Variants in DGKB observed in about 807,000 individuals in gnomAD.
The protein encoded by DGKB is diacylglycerol kinase beta.
In DGKB, 67 loss-of-function variants were observed where a neutral mutation model predicts 114.3. The observed-to-expected ratio is 0.59, with a 90% CI of 0.48 to 0.72. The LOEUF (loss-of-function observed/expected upper bound fraction) is 0.72, where lower values mean the gene tolerates loss of function less well. Among genes scored for constraint, DGKB ranks in the 30% least tolerant of loss-of-function variants. The pLI is 0.00. For synonymous variants in DGKB, 398 were observed against 323.1 expected (o/e 1.23, Z -2.49); for missense variants, 907 against 975.2 (o/e 0.93, Z 0.93).
intron 23 of DGKB, among the ~76,000 whole-genome samples, chr7:14,302,982 G>T (rs1399086366): frequency 6.6e-6 from 1 of 152,074 alleles, no homozygotes; most frequent in Non-Finnish European, 1.5e-5. Context: ...TTATACCATG[G>T]GTGGTAGGAG....
chr7:14,280,329 G>C (rs1176773986), intron 23 of DGKB, among the ~76,000 whole-genome samples: 1 of 151,932 alleles, frequency 6.6e-6, no homozygotes, highest in East Asian at 2.0e-4. Flanking sequence ...AAAAAGAAAC[G>C]AGCAAAGCCT....
intron 5 of DGKB, among the ~76,000 whole-genome samples, chr7:14,729,045 A>T (rs1208167698): frequency 6.7e-6 from 1 of 150,336 alleles, no homozygotes; most frequent in Non-Finnish European, 1.5e-5. Flanking sequence ...ACTTACTACC[A>T]TCTGATATGG....
intron 2 of DGKB, among the ~76,000 whole-genome samples, chr7:14,798,270 T>G (rs953563935): frequency 1.6e-4 from 25 of 152,196 alleles, no homozygotes; most frequent in African/African-American, 5.8e-4. Context: ...ACCAGGGACC[T>G]GTCCCTGTCT....
chr7:14,277,239 C>T (rs1490367214), intron 23 of DGKB, among the ~76,000 whole-genome samples: 1 of 151,954 alleles, frequency 6.6e-6, no homozygotes, highest in Non-Finnish European at 1.5e-5. Context: ...GATGTGATCT[C>T]GGCTCACTGC....
chr7:14,574,616 A>T (rs1383967908), intron 19 of DGKB, among the ~76,000 whole-genome samples: 3 of 152,164 alleles, frequency 2.0e-5, no homozygotes, highest in Non-Finnish European at 2.9e-5. Flanking sequence ...CAGCATATAC[A>T]ACTGCCAAGT....
chr7:14,298,955 C>G (rs1350808968), intron 23 of DGKB, among the ~76,000 whole-genome samples: 1 of 152,140 alleles, frequency 6.6e-6, no homozygotes, highest in South Asian at 2.1e-4. Flanking sequence ...CTCATCATCA[C>G]TGGTCATTAG....
chr7:14,500,615 A>T (rs1040101009), intron 20 of DGKB, among the ~76,000 whole-genome samples: 1 of 151,820 alleles, frequency 6.6e-6, no homozygotes, highest in Admixed American at 6.6e-5. Flanking sequence ...CATAAAAAAT[A>T]AAAAGTAAAT....
chr7:14,837,013 T>C (rs1012241353), intron 2 of DGKB, among the ~76,000 whole-genome samples: 3 of 152,230 alleles, frequency 2.0e-5, no homozygotes, highest in African/African-American at 7.2e-5. Flanking sequence ...GTCATATCAC[T>C]AGCAATTTGC....
intron 20 of DGKB, among the ~76,000 whole-genome samples, chr7:14,569,863 TTG>T (rs1314734733): frequency 6.6e-6 from 1 of 151,780 alleles, no homozygotes; most frequent in East Asian, 1.9e-4. Context: ...TATTCTGATC[TTG>T]TGTGTCTTTG....
chr7:14,466,574 G>T (rs1160788149), intron 21 of DGKB, among the ~76,000 whole-genome samples: 1 of 150,748 alleles, frequency 6.6e-6, no homozygotes, highest in Non-Finnish European at 1.5e-5. Flanking sequence ...CACAAGGAGG[G>T]TTTCTTGTTT....
chr7:14,326,658 C>T (rs1251173758), intron 23 of DGKB, among the ~76,000 whole-genome samples: 3 of 152,092 alleles, frequency 2.0e-5, no homozygotes, highest in Non-Finnish European at 2.9e-5. Context: ...CTTTCCTTTG[C>T]GGGAATGGCA....
At chr7:14,538,627 T>C (rs1023533232) in intron 20 of DGKB, among the ~76,000 whole-genome samples, 7 of 152,212 alleles carry the variant, frequency 4.6e-5, no homozygotes, top group African/African-American at 1.7e-4. Flanking sequence ...GATCCCACTT[T>C]TGAATATGTA....
chr7:14,313,551 A>C (rs935046131), intron 23 of DGKB, among the ~76,000 whole-genome samples: 1 of 152,152 alleles, frequency 6.6e-6, no homozygotes, highest in Non-Finnish European at 1.5e-5. Flanking sequence ...GGTCACTCCC[A>C]CCCGAATACT....
chr7:14,869,341 C>A (rs1444308062), intron 1 of DGKB, among the ~76,000 whole-genome samples: 1 of 152,242 alleles, frequency 6.6e-6, no homozygotes, highest in East Asian at 1.9e-4. Flanking sequence ...GGATTATACA[C>A]TTAAGGTTTA....
intron 1 of DGKB, among the ~76,000 whole-genome samples, chr7:14,887,215 C>G (rs575176063): frequency 6.6e-6 from 1 of 151,896 alleles, no homozygotes; most frequent in East Asian, 1.9e-4. Flanking sequence ...TGAAATTCCC[C>G]TTTAAAAGGC....
At chr7:14,651,551 G>C (rs1814497804) in intron 13 of DGKB, among the ~76,000 whole-genome samples, 1 of 145,698 alleles carries the variant, frequency 6.9e-6, no homozygotes. Flanking sequence ...CATACTGAAT[G>C]GGCAAAAACT....
chr7:14,335,234 A>T (rs1033016584), intron 23 of DGKB, among the ~76,000 whole-genome samples: 1 of 152,188 alleles, frequency 6.6e-6, no homozygotes, highest in African/African-American at 2.4e-5. Flanking sequence ...TCCAAACCTG[A>T]TCTCATACCT....
At chr7:14,474,132 A>C (rs188167499) in intron 21 of DGKB, among the ~76,000 whole-genome samples, 1 of 152,338 alleles carries the variant, frequency 6.6e-6, no homozygotes, top group East Asian at 1.9e-4. Flanking sequence ...TTCCCACTCA[A>C]ATATCATCTT....
chr7:14,827,242 T>C (rs756128239), intron 2 of DGKB, among the ~76,000 whole-genome samples: 3 of 152,128 alleles, frequency 2.0e-5, no homozygotes, highest in African/African-American at 4.8e-5. Flanking sequence ...CTTTAAAACA[T>C]TGTGTGAACT....
Sources: gnomAD v4.1 joint callset for allele counts (sites outside exome capture counted in the v4.1 genomes callset) on GRCh38, gnomAD v4.1.1 for gene constraint, MANE v1.5 for transcripts, NCBI Gene and HGNC (gene_info 2026-07-23, HGNC 2026-07-21) for gene names.